Variants in MYH11 observed in about 807,000 individuals in gnomAD.
The protein encoded by MYH11 is myosin heavy chain 11, also known as myosin-11.
A neutral mutation model predicts 246.6 loss-of-function variants in MYH11; 80 were observed. The ratio of observed to expected loss-of-function variants is 0.32; its 90% CI spans 0.27 to 0.39. The LOEUF (loss-of-function observed/expected upper bound fraction) is 0.39, where lower values mean the gene tolerates loss of function less well. MYH11 is among the 10% of genes least tolerant of loss of function. The pLI, the probability that MYH11 is intolerant of heterozygous loss-of-function variation, is 1.00. For synonymous variants in MYH11, 1,071 were observed against 1,015.5 expected (o/e 1.05, Z -1.04); for missense variants, 2,158 against 2,546.8 (o/e 0.85, Z 3.29).
rs775864212 is a variant in MYH11 at position 15,720,457 on chromosome 16, G to A, written c.4792-145C>T. On this transcript the variant is annotated intron_variant, in intron 33 of 40. Coordinates refer to ENST00000300036, the MANE Select transcript of MYH11 (RefSeq NM_002474.3). ...CATCCCCAGTTGCAGATGAGAAAAC[G>A]GAATCACGCCGGGCGTGGGTGGCTC... 1.1e-4 allele frequency: 137 copies of A among 1,200,012 alleles called. 1 individual carries two copies. The highest frequency in any genetic ancestry group is 1.5e-4 in the Non-Finnish European group (127 of 840,868). The allele number at this position is 1,200,012 out of a possible 1,614,324, so 74.3% of individuals were successfully genotyped here. A position where few individuals can be genotyped will look rare whatever the true frequency, so the allele number is the denominator to read the frequency against.
Position 15,751,420 on chromosome 16 carries a change from C to T in MYH11, c.1865-1089G>A, listed in dbSNP as rs545621574. ...TCAGGTGATTCCCCTGCCTTGGCCTCCCAATGTGCTGGGATTACAGGCGTG... is the reference window on the plus strand; with the variant it reads ...TCAGGTGATTCCCCTGCCTTGGCCTTCCAATGTGCTGGGATTACAGGCGTG... On this transcript the variant is annotated intron_variant, in intron 15 of 40. Coordinates refer to ENST00000300036, the MANE Select transcript of MYH11 (RefSeq NM_002474.3). 1.7e-3 allele frequency among the ~76,000 whole-genome samples: 260 copies of T among 151,972 alleles called. 1 individual carries two copies. Among genetic ancestry groups the T allele is most frequent in the Admixed American group, 2.8e-3 (42 of 15,226 alleles).
chr16:15,833,619 T>C (rs1258931133), intron 2 of MYH11, among the ~76,000 whole-genome samples: 4 of 152,172 alleles, frequency 2.6e-5, no homozygotes, highest in African/African-American at 7.2e-5. Context: ...CTCTGGCTTC[T>C]ATAGACTCTT....
At chr16:15,835,813 G>A (rs1031377726) in intron 2 of MYH11, among the ~76,000 whole-genome samples, 5 of 150,314 alleles carry the variant, frequency 3.3e-5, no homozygotes, top group African/African-American at 1.2e-4. Flanking sequence ...GAGTGCAGTG[G>A]CACAATCATA....
chr16:15,719,845 A>G (rs761599222), intron 34 of MYH11, 132 bp from the exon 35 acceptor site: 1 of 1,342,990 alleles, frequency 7.4e-7, no homozygotes, highest in Non-Finnish European at 1.0e-6. Flanking sequence ...TTGCACGAGC[A>G]TGGCTCTCAG....
chr16:15,717,482 C>G, intron 37 of MYH11, 134 bp from the exon 38 acceptor site: 2 of 867,060 alleles, frequency 2.3e-6, no homozygotes, highest in Non-Finnish European at 3.6e-6. Context: ...TCTCCTTCAT[C>G]CTGTAAAACT....
chr16:15,826,996 C>CAAAAAAAA (rs10573425), intron 2 of MYH11, among the ~76,000 whole-genome samples: 1 of 58,002 alleles, frequency 1.7e-5, no homozygotes, highest in Non-Finnish European at 3.7e-5. Flanking sequence ...GAACCCATCT[C>CAAAAAAAA]AAAAAAAAAA....
At chr16:15,728,979 G>A (rs949376577) in intron 27 of MYH11, among the ~76,000 whole-genome samples, 3 of 152,058 alleles carry the variant, frequency 2.0e-5, no homozygotes, top group African/African-American at 4.8e-5. Flanking sequence ...AAAGAGAAGC[G>A]CAAGTATCCC....
chr16:15,708,066 A>C (rs1327313505), intron 40 of MYH11, among the ~76,000 whole-genome samples: 2 of 151,618 alleles, frequency 1.3e-5, no homozygotes, highest in Admixed American at 1.3e-4. Flanking sequence ...TCCACTCCCC[A>C]GTCCCTGAAC....
rs2043466136 is a variant in MYH11, at chr16:15,823,322, C to T, written c.435G>A (p.Lys145=). Residue 145 remains lysine (K), a synonymous_variant, in exon 3 of 41, where the codon AAG becomes AAA. Transcript: ENST00000300036. ...SEKIVDMYKG[K]KRHEMPPHIY... ...TGTGAGGCGGCATCTCGTGCCTCTT[C>T]TTGCCCTTGTACATGTCGACGATCT... is the stretch of plus-strand genomic sequence containing the variant. 6.2e-7 allele frequency: 1 copy of T among 1,614,214 alleles called. No individual in the cohort carries two copies. Among genetic ancestry groups the T allele is most frequent in the Non-Finnish European group, 8.5e-7 (1 of 1,180,036 alleles).
At chr16:15,734,601 G>A (rs751338888) in intron 26 of MYH11, among the ~76,000 whole-genome samples, 2 of 152,120 alleles carry the variant, frequency 1.3e-5, no homozygotes, top group Non-Finnish European at 2.9e-5. Context: ...CCCTAAAGGT[G>A]ATTTTTTTTT....
At chr16:15,795,415 C>G (rs536574142) in intron 4 of MYH11, among the ~76,000 whole-genome samples, 2 of 152,228 alleles carry the variant, frequency 1.3e-5, no homozygotes, top group East Asian at 3.9e-4. Flanking sequence ...AGTTCGAGAC[C>G]AGCCTGACCA....
chr16:15,797,007 C>A (rs1422336083), intron 4 of MYH11, among the ~76,000 whole-genome samples: 1 of 152,192 alleles, frequency 6.6e-6, no homozygotes, highest in Non-Finnish European at 1.5e-5. Context: ...TCTTCCCTTT[C>A]CCCACAGAGC....
intron 40 of MYH11, among the ~76,000 whole-genome samples, chr16:15,705,245 G>A (rs562750871): frequency 2.0e-5 from 3 of 152,334 alleles, no homozygotes; most frequent in African/African-American, 7.2e-5. Context: ...GCCTCTCAAA[G>A]TGTTGGGATT....
chr16:15,714,888 C>T (rs1391061961), intron 40 of MYH11, 21 bp downstream of exon 40: 2 of 1,612,558 alleles, frequency 1.2e-6, no homozygotes, highest in African/African-American at 1.3e-5. Context: ...ACGGGGTCCT[C>T]CCGGGCCACG....
At chr16:15,776,023 C>T in intron 8 of MYH11, 55 bp downstream of exon 8, 1 of 1,311,468 alleles carries the variant, frequency 7.6e-7, no homozygotes, top group African/African-American at 1.4e-5. Context: ...ACCCCGGATT[C>T]TGATGAAAGG....
chr16:15,724,892 G>C lies in MYH11; in HGVS notation c.3959C>G (p.Thr1320Ser), dbSNP rs2040673806. 6.2e-7 allele frequency: 1 copy of C among 1,614,068 alleles called. No homozygotes were observed. Among genetic ancestry groups the C allele is most frequent in the Non-Finnish European group, 8.5e-7 (1 of 1,180,028 alleles). The change falls in exon 29 of 41, where the codon ACC becomes AGC. Residue 1320 changes from threonine (T) to serine (S), a missense_variant. By Grantham distance (58) the Thr-to-Ser change is moderately conservative (BLOSUM62 1). Coordinates refer to ENST00000300036, the MANE Select transcript of MYH11 (RefSeq NM_002474.3). ...VASLSSQLQD[T>S]QELLQEETRQ... ...ATGATGTGGCAGGACACTCACCTGG[G>C]TGTCCTGGAGCTGGGAACTGAGGGA... is the stretch of plus-strand genomic sequence containing the variant.
At chr16:15,805,843 G>A (rs536614175) in intron 3 of MYH11, among the ~76,000 whole-genome samples, 4 of 152,338 alleles carry the variant, frequency 2.6e-5, no homozygotes, top group African/African-American at 9.6e-5. Flanking sequence ...TTGAGCCCAG[G>A]AGGTGGAGGT....
intron 40 of MYH11, chr16:15,708,955 CT>C: frequency 8.7e-7 from 1 of 1,145,962 alleles, no homozygotes; most frequent in Non-Finnish European, 1.3e-6. Flanking sequence ...TAAAGGCACT[CT>C]TTTTTATTTT....
chr16:15,798,725 AAT>A, intron 3 of MYH11, 38 bp from the exon 4 acceptor site: 1 of 1,610,670 alleles, frequency 6.2e-7, no homozygotes, highest in Non-Finnish European at 8.5e-7. Context: ...CATGAATTAA[AAT>A]GAGCTCTGAG....
Sources: gnomAD v4.1 joint callset for allele counts (sites outside exome capture counted in the v4.1 genomes callset) on GRCh38, gnomAD v4.1.1 for gene constraint, MANE v1.5 for transcripts, NCBI Gene and HGNC (gene_info 2026-07-23, HGNC 2026-07-21) for gene names.